HAVCR1: variants seen among roughly 807,000 people sequenced by gnomAD.
HAVCR1 encodes the protein T cell immunoglobin domain and mucin domain protein 1.
HAVCR1 carries 34 observed loss-of-function variants against 32.0 expected under a neutral mutation model. The observed-to-expected ratio is 1.06, with a 90% CI of 0.81 to 1.42. The LOEUF is 1.42. Ranked by LOEUF, HAVCR1 falls within the 40% of genes most tolerant of loss-of-function variation. HAVCR1 has a pLI of 0.00. For missense variants in HAVCR1, 420 were observed against 442.3 expected (o/e 0.95, Z 0.45); for synonymous variants, 178 against 170.3 (o/e 1.05, Z -0.35).
chr5:157,050,626 C>T (rs1356160768), intron 4 of HAVCR1, among the ~76,000 whole-genome samples: 2 of 152,138 alleles, frequency 1.3e-5, no homozygotes, highest in African/African-American at 4.8e-5. Flanking sequence ...TCCCATATCT[C>T]GGCTTTAAAT....
chr5:157,031,657 T>C (rs1754179596), intron 8 of HAVCR1, among the ~76,000 whole-genome samples: 1 of 151,826 alleles, frequency 6.6e-6, no homozygotes, highest in Admixed American at 6.6e-5. Context: ...CCGTCTCTAT[T>C]AAAAATACAA....
At chr5:157,032,647 C>T (rs572154412) in intron 8 of HAVCR1, among the ~76,000 whole-genome samples, 3 of 152,334 alleles carry the variant, frequency 2.0e-5, no homozygotes, top group African/African-American at 7.2e-5. Context: ...TTGAGGTGCT[C>T]CCTCTGTACC....
chr5:157,066,591 G>C, the HAVCR1 span, among the ~76,000 whole-genome samples: 9 of 148,884 alleles, frequency 6.0e-5, no homozygotes, highest in Non-Finnish European at 1.5e-5. Context: ...CAGCATGTTT[G>C]TATGATCTGG....
In HAVCR1 at chr5:157,057,931, C is replaced by T; in HGVS notation, c.13G>A (p.Val5Met). Residue 5 changes from valine to methionine, a missense_variant, in exon 2 of 9, where the codon GTG (valine) becomes ATG (methionine). Transcript: ENST00000523175. MHPQ[V>M]VILSLILHLA... is the part of the protein sequence containing the mutation. ...TGTAGGATGAGGCTTAAGATGACCA[C>T]TTGAGGATGCATTATGGGATCAGCC... 1 of 1,613,730 alleles carries T rather than the reference C, an allele frequency of 6.2e-7. No individual in the cohort carries two copies.
At position 157,055,303 on chromosome 5, in the gene HAVCR1, C is replaced by T. The variant is rs1184674965; in HGVS notation, c.277G>A (p.Glu93Lys). The change falls in exon 3 of 9, where the codon GAA becomes AAA. Residue 93 changes from glutamate to lysine, a missense_variant. Transcript: ENST00000523175. ...CCACTGTCAGACACAGCTGTATTTTCTATGGTCAAAGAGACATCCCTTCTT... is the reference window on the plus strand; with the variant it reads ...CCACTGTCAGACACAGCTGTATTTTTTATGGTCAAAGAGACATCCCTTCTT... ...LSRRDVSLTI[E>K]NTAVSDSGVY... 1 of 1,613,502 alleles carries T rather than the reference C, an allele frequency of 6.2e-7. No individual in the cohort carries two copies. The highest frequency in any genetic ancestry group is 1.3e-5 in the African/African-American group (1 of 75,034).
At chr5:157,059,801 T>C (rs1177261090), upstream of HAVCR1, among the ~76,000 whole-genome samples, 1 of 147,570 alleles carries the variant, frequency 6.8e-6, no homozygotes, top group African/African-American at 2.5e-5. Context: ...CTGGGCAACA[T>C]AGCAAGACTC....
intron 2 of HAVCR1, among the ~76,000 whole-genome samples, chr5:157,057,401 A>AAGAAAGAAAGAG (rs1561606020): frequency 7.4e-5 from 5 of 67,382 alleles, no homozygotes; most frequent in African/African-American, 2.5e-4. Flanking sequence ...GAAAGAAAGA[A>AAGAAAGAAAGAG]AGAAAGAAAG....
chr5:157,054,892 A>T (rs570543214), intron 3 of HAVCR1, among the ~76,000 whole-genome samples: 1 of 152,314 alleles, frequency 6.6e-6, no homozygotes, highest in East Asian at 1.9e-4. Context: ...TGCAAATACT[A>T]CACCATTTTA....
At chr5:157,034,387 T>C (rs551708977) in intron 7 of HAVCR1, among the ~76,000 whole-genome samples, 32 of 152,190 alleles carry the variant, frequency 2.1e-4, no homozygotes, top group Admixed American at 1.4e-3. Flanking sequence ...GCAGTATTGC[T>C]GCCAGCATGT....
upstream of HAVCR1, among the ~76,000 whole-genome samples, chr5:157,063,134 AAAG>A (rs375577989): frequency 0.56 from 74,591 of 134,298 alleles, 19,455 homozygotes; most frequent in East Asian, 0.77. Context: ...AAAAAAAAAG[AAAG>A]AAAGAAAGAA....
upstream of HAVCR1, among the ~76,000 whole-genome samples, chr5:157,062,397 G>A (rs904579007): frequency 1.3e-5 from 2 of 152,280 alleles, no homozygotes; most frequent in South Asian, 2.1e-4. Flanking sequence ...ATTCAGAAAA[G>A]AAAATAATTC....
chr5:157,048,627 G>A (rs1755548423), intron 5 of HAVCR1, among the ~76,000 whole-genome samples: 1 of 152,122 alleles, frequency 6.6e-6, no homozygotes. Flanking sequence ...TCAGGAGATC[G>A]AGACAATCGT....
intron 3 of HAVCR1, 115 bp downstream of exon 3, chr5:157,055,086 G>GGC: frequency 5.0e-6 from 3 of 599,198 alleles, no homozygotes. Flanking sequence ...AAGAACAAGA[G>GGC]TTTATTTAAA....
In HAVCR1 at chr5:157,057,891, C is replaced by G; in HGVS notation, c.46+7G>C. On this transcript the variant is annotated splice_region_variant and intron_variant, in intron 2 of 8. Coordinates refer to ENST00000523175, the MANE Select transcript of HAVCR1 (RefSeq NM_001173393.3). Reference sequence around the variant, plus strand: ...CTTCTTCCCGCCCAGGGCACCTACTCACTTACCTGCCAGATGTAGGATGAG... The same window carrying G: ...CTTCTTCCCGCCCAGGGCACCTACTGACTTACCTGCCAGATGTAGGATGAG... 1 of 1,610,926 alleles carries G rather than the reference C, an allele frequency of 6.2e-7. No individual in the cohort carries two copies. The highest frequency in any genetic ancestry group is 8.5e-7 in the Non-Finnish European group (1 of 1,177,222).
chr5:157,034,273 G>A (rs1158922948), intron 7 of HAVCR1, among the ~76,000 whole-genome samples: 1 of 151,764 alleles, frequency 6.6e-6, no homozygotes, highest in African/African-American at 2.4e-5. Flanking sequence ...TGTGAGCAAA[G>A]GTCTCTGTGT....
chr5:157,065,379 A>G, the HAVCR1 span, among the ~76,000 whole-genome samples: 1 of 152,176 alleles, frequency 6.6e-6, no homozygotes, highest in African/African-American at 2.4e-5. Flanking sequence ...GATTCAAAGG[A>G]ATGCCTGATG....
intron 4 of HAVCR1, among the ~76,000 whole-genome samples, chr5:157,052,054 G>C (rs1474594317): frequency 6.6e-6 from 1 of 152,224 alleles, no homozygotes; most frequent in East Asian, 1.9e-4. Context: ...GCCATACCTA[G>C]CTGAGTCAGA....
Position 157,044,615 on chromosome 5 carries a change from G to GAAAGAAAAAGAA in HAVCR1, c.782-1934_782-1933insTTCTTTTTCTTT, listed in dbSNP as rs760337335. On this transcript the variant is annotated intron_variant, in intron 5 of 8. Coordinates refer to ENST00000523175, the MANE Select transcript of HAVCR1 (RefSeq NM_001173393.3). ...AGAAAGAAAGAAAGAAAGAAAGAAA[G>GAAAGAAAAAGAA]AGAAAGAAAGAAAGAAAGAAAGAAA... Among the ~76,000 whole-genome samples, 29 of 52,724 alleles carry GAAAGAAAAAGAA rather than the reference G, an allele frequency of 5.5e-4. 1 individual carries two copies. Among genetic ancestry groups the GAAAGAAAAAGAA allele is most frequent in the African/African-American group, 1.7e-3 (27 of 15,490 alleles). 34.6% of individuals were successfully genotyped at this position (52,724 alleles called of 152,430 possible). A position where few individuals can be genotyped will look rare whatever the true frequency, so the allele number is the denominator to read the frequency against.
intron 2 of HAVCR1, among the ~76,000 whole-genome samples, chr5:157,057,531 A>G (rs1329123606): frequency 6.6e-6 from 1 of 151,848 alleles, no homozygotes. Flanking sequence ...CTCTCCCTCC[A>G]CCTCCCACCC....
Sources: allele counts gnomAD v4.1 joint callset (sites outside exome capture counted in the v4.1 genomes callset), GRCh38; gene constraint gnomAD v4.1.1; transcripts MANE v1.5; gene names NCBI Gene and HGNC (gene_info 2026-07-23, HGNC 2026-07-21).